The following CFAP54 variants were observed in gnomAD, a reference collection of about 807,000 sequenced individuals.
CFAP54 encodes the protein cilia and flagella associated protein 54, also known as cilia- and flagella-associated protein 54.
In CFAP54, 290 loss-of-function variants were observed where a neutral mutation model predicts 370.4. That is an observed-to-expected ratio of 0.78 (90% CI 0.71 to 0.86). The LOEUF is 0.86. CFAP54 is among the 40% of genes least tolerant of loss of function. The pLI is 0.00. For missense variants in CFAP54, 3,399 were observed against 3,528.7 expected (o/e 0.96, Z 0.93); for synonymous variants, 1,206 against 1,236.5 (o/e 0.98, Z 0.52).
At chr12:96,595,210 C>G (rs1956165418) in intron 25 of CFAP54, among the ~76,000 whole-genome samples, 1 of 152,088 alleles carries the variant, frequency 6.6e-6, no homozygotes, top group African/African-American at 2.4e-5. Flanking sequence ...TGGCCCTTTG[C>G]CTTTTCAAGG....
chr12:96,664,378 T>G (rs1957033077), intron 39 of CFAP54, among the ~76,000 whole-genome samples: 1 of 152,036 alleles, frequency 6.6e-6, no homozygotes, highest in Non-Finnish European at 1.5e-5. Flanking sequence ...TGAGGACATG[T>G]GGTATTTGGT....
rs577516684 is a variant in CFAP54, at chr12:96,811,807, T to C, written c.8922T>C (p.Ser2974=). The change falls in exon 64 of 68, where the codon AGT becomes AGC. Residue 2974 remains serine, a synonymous_variant. Transcript: ENST00000524981. ...ISDVRHSTYN[S]TCVGSLWIPL... ...ATGTTAGACATTCCACTTATAACAG[T>C]ACATGTGTTGGCTCTTTATGGATTC... The C allele has an allele frequency of 6.6e-7, 1 of 1,521,880 alleles. No individual in the cohort carries two copies. Among genetic ancestry groups the C allele is most frequent in the South Asian group, 1.2e-5 (1 of 81,576 alleles). 94.3% of individuals were successfully genotyped at this position (1,521,880 alleles called of 1,614,324 possible). A position where few individuals can be genotyped will look rare whatever the true frequency, so the allele number is the denominator to read the frequency against.
chr12:96,633,991 G>A (rs1188156975), intron 32 of CFAP54, among the ~76,000 whole-genome samples: 2 of 143,962 alleles, frequency 1.4e-5, no homozygotes, highest in South Asian at 2.3e-4. Flanking sequence ...TAGGTGTGTA[G>A]TGATATCTCA....
At chr12:96,693,927 G>A (rs542839235) in intron 45 of CFAP54, 119 bp downstream of exon 45, 3 of 559,054 alleles carry the variant, frequency 5.4e-6, no homozygotes, top group Admixed American at 7.2e-5. Flanking sequence ...TTACACTGAT[G>A]TAAGAAATAA....
chr12:96,828,733 A>C (rs891545669), intron 65 of CFAP54, among the ~76,000 whole-genome samples: 6 of 152,142 alleles, frequency 3.9e-5, no homozygotes, highest in African/African-American at 1.4e-4. Flanking sequence ...AGGGATCTGA[A>C]ACTCTTCATT....
intron 15 of CFAP54, 111 bp from the exon 16 acceptor site, chr12:96,554,071 A>T: frequency 1.5e-6 from 1 of 648,476 alleles, no homozygotes; most frequent in Non-Finnish European, 2.5e-6. Context: ...AGTGTTAGAT[A>T]GACTATTTAA....
chr12:96,557,994 C>G (rs1955772778), intron 17 of CFAP54, among the ~76,000 whole-genome samples: 1 of 151,948 alleles, frequency 6.6e-6, no homozygotes, highest in African/African-American at 2.4e-5. Flanking sequence ...CACTCTCTAT[C>G]TATAAAATTA....
chr12:96,704,462 A>G lies in CFAP54; in HGVS notation c.6475-281A>G, dbSNP rs1331224956. Among the ~76,000 whole-genome samples the G allele has an allele frequency of 3.3e-3, 166 of 50,608 alleles. 3 individuals carry two copies. The highest frequency in any genetic ancestry group is 0.014 in the East Asian group (6 of 420). 33.2% of individuals were successfully genotyped at this position (50,608 alleles called of 152,430 possible). A position where few individuals can be genotyped will look rare whatever the true frequency, so the allele number is the denominator to read the frequency against. ...AAAAAATGTATGTGTGTATATATAT[A>G]TATATATATATATATATATATATAT... On this transcript the variant is annotated intron_variant, in intron 46 of 67. Transcript: ENST00000524981.
At chr12:96,867,606 C>CCA (rs1828869151) in intron 67 of CFAP54, among the ~76,000 whole-genome samples, 1 of 152,070 alleles carries the variant, frequency 6.6e-6, no homozygotes, top group Non-Finnish European at 1.5e-5. Flanking sequence ...ATGTCATTTG[C>CCA]CACAGCGTGG....
At chr12:96,752,085 T>TGAGAGACAGAGA (rs1555318323) in intron 55 of CFAP54, among the ~76,000 whole-genome samples, 23 of 90,568 alleles carry the variant, frequency 2.5e-4, no homozygotes, top group African/African-American at 7.4e-4. Flanking sequence ...TCTTCCTGGA[T>TGAGAGACAGAGA]GAGAGAGAGA....
At chr12:96,562,516 T>C (rs906227824) in intron 17 of CFAP54, among the ~76,000 whole-genome samples, 4 of 149,832 alleles carry the variant, frequency 2.7e-5, no homozygotes, top group African/African-American at 4.9e-5. Flanking sequence ...AACCTCTGCC[T>C]CCGAGGTTCA....
rs1008553946 is a variant in CFAP54, at chr12:96,638,285, G to A, written c.4317-5893G>A. On this transcript the variant is annotated intron_variant, in intron 32 of 67. Transcript: ENST00000524981. The stretch of plus-strand genomic sequence containing the variant: ...TTTTTTTTTGGTTATCCAGGCTGGA[G>A]TGCAGTGGTACCATCATAGCTCACT... 2.0e-5 allele frequency among the ~76,000 whole-genome samples: 3 copies of A among 150,576 alleles called. No homozygotes were observed. In the Admixed American group the frequency reaches 2.0e-4, roughly 10 times the overall value.
At chr12:96,868,524 T>A (rs895920097) in intron 67 of CFAP54, among the ~76,000 whole-genome samples, 5 of 152,082 alleles carry the variant, frequency 3.3e-5, no homozygotes, top group African/African-American at 1.2e-4. Context: ...ACATTCTCGT[T>A]TTCCTTTCCA....
intron 39 of CFAP54, among the ~76,000 whole-genome samples, chr12:96,673,458 A>C (rs1158721244): frequency 6.6e-6 from 1 of 152,228 alleles, no homozygotes; most frequent in African/African-American, 2.4e-5. Context: ...ATGATCCTGT[A>C]TATTAATTAT....
chr12:96,684,660 C>T lies in CFAP54; in HGVS notation c.5729C>T (p.Ala1910Val). ...ATTAAAAATATAGATGTTCTCCAAG[C>T]CAGCAATCAAAGAAGTCTTAAAGTT... ...FLAQTQDVLQ[A>V]SNQRSLKVQA... The change falls in exon 41 of 68, where the codon GCC becomes GTC. Residue 1910 changes from alanine (A) to valine (V), a missense_variant. Physicochemically the swap from Ala to Val is moderately conservative, Grantham distance 64. Transcript: ENST00000524981. 1.9e-6 allele frequency: 3 copies of T among 1,611,040 alleles called. No individual in the cohort carries two copies. Among genetic ancestry groups the T allele is most frequent in the Non-Finnish European group, 2.5e-6 (3 of 1,178,710 alleles).
rs573301288 is a variant in CFAP54 at position 96,640,596 on chromosome 12, A to G, written c.4317-3582A>G. Among the ~76,000 whole-genome samples, 476 of 152,348 alleles carry G rather than the reference A, an allele frequency of 3.1e-3. 3 individuals carry two copies. Among genetic ancestry groups the G allele is most frequent in the African/African-American group, 0.01 (427 of 41,580 alleles). ...CCTACTTTAAAGTTCATATAGAACC[A>G]AAAAAGAGCCTGCATTGCCAAGTCA... is the stretch of plus-strand genomic sequence containing the variant. On this transcript the variant is annotated intron_variant, in intron 32 of 67. Coordinates refer to ENST00000524981, the MANE Select transcript of CFAP54 (RefSeq NM_001306084.2).
chr12:96,611,435 G>GA (rs1431955961), intron 26 of CFAP54, among the ~76,000 whole-genome samples: 1 of 152,136 alleles, frequency 6.6e-6, no homozygotes, highest in Non-Finnish European at 1.5e-5. Context: ...CAAAGATGGG[G>GA]AAAAAACATA....
At chr12:96,503,333 C>CCCTT (rs200805829) in intron 2 of CFAP54, among the ~76,000 whole-genome samples, 1 of 138,972 alleles carries the variant, frequency 7.2e-6, no homozygotes, top group Non-Finnish European at 1.6e-5. Flanking sequence ...CCCCTTCTTT[C>CCCTT]CCTTCCTTCC....
At chr12:96,563,567 T>C (rs921687405) in intron 17 of CFAP54, among the ~76,000 whole-genome samples, 4 of 152,234 alleles carry the variant, frequency 2.6e-5, no homozygotes, top group African/African-American at 4.8e-5. Context: ...TGCACTATTT[T>C]CTGCTCTGCA....
Sources: gnomAD v4.1 joint callset for allele counts (sites outside exome capture counted in the v4.1 genomes callset) on GRCh38, gnomAD v4.1.1 for gene constraint, MANE v1.5 for transcripts, NCBI Gene and HGNC (gene_info 2026-07-23, HGNC 2026-07-21) for gene names.